Variants in SYN2 observed in about 807,000 individuals in gnomAD.
SYN2 encodes synapsin II, also known as synapsin-2.
SYN2 carries 19 observed loss-of-function variants against 50.9 expected under a neutral mutation model. The ratio of observed to expected loss-of-function variants is 0.37; its 90% confidence interval spans 0.26 to 0.55. The LOEUF (loss-of-function observed/expected upper bound fraction) is 0.55, where lower values mean the gene tolerates loss of function less well. SYN2 is among the 20% of genes least tolerant of loss of function. SYN2 has a pLI of 0.81. For synonymous variants in SYN2, 255 were observed against 224.9 expected, an observed-to-expected ratio of 1.13 and a Z score of -1.20; for missense variants, 587 against 576.4, an observed-to-expected ratio of 1.02 and a Z score of -0.19.
At chr3:12,185,932 G>T (rs1369561584) in intron 11 of SYN2, among the ~76,000 whole-genome samples, 4 of 152,170 alleles carry the variant, frequency 2.6e-5, no homozygotes, top group East Asian at 1.9e-4. Flanking sequence ...CTAGTTATTT[G>T]ATTTGAATTT....
At chr3:12,098,002 A>G (rs573986479) in intron 1 of SYN2, among the ~76,000 whole-genome samples, 4 of 152,346 alleles carry the variant, frequency 2.6e-5, no homozygotes, top group African/African-American at 7.2e-5. Flanking sequence ...CTTAGAAAGT[A>G]TAATTAAAAA....
At chr3:12,166,567 A>C (rs1021776036) in intron 7 of SYN2, among the ~76,000 whole-genome samples, 4 of 152,186 alleles carry the variant, frequency 2.6e-5, no homozygotes, top group African/African-American at 9.6e-5. Context: ...AGCAGAGAAG[A>C]AGCTGATGGC....
At chr3:12,108,960 A>C (rs1035869403) in intron 1 of SYN2, among the ~76,000 whole-genome samples, 7 of 152,176 alleles carry the variant, frequency 4.6e-5, no homozygotes, top group Admixed American at 3.9e-4. Context: ...ATGTGGTCAT[A>C]AAGACTGAAG....
intron 1 of SYN2, among the ~76,000 whole-genome samples, chr3:12,072,808 T>G (rs1484939091): frequency 6.6e-6 from 1 of 152,226 alleles, no homozygotes; most frequent in East Asian, 1.9e-4. Flanking sequence ...AGTCTCTGTT[T>G]CTCCAGGTTA....
chr3:12,178,804 A>G (rs1698150511), intron 10 of SYN2, among the ~76,000 whole-genome samples: 2 of 152,244 alleles, frequency 1.3e-5, no homozygotes, highest in Non-Finnish European at 2.9e-5. Context: ...AACAATCCTT[A>G]TTTAAGATGT....
intron 1 of SYN2, among the ~76,000 whole-genome samples, chr3:12,055,934 C>CT (rs2125158597): frequency 6.6e-6 from 1 of 152,326 alleles, no homozygotes; most frequent in Admixed American, 6.5e-5. Context: ...TAAAAGGAAT[C>CT]TAACAGGAGT....
In SYN2 at chr3:12,105,502, T is replaced by C. The variant is rs1270304857; in HGVS notation, c.378-35149T>C. Reference sequence around the variant, plus strand: ...GACAAACACCACTAGAAGGTATGGATCTTCTAGTGGTGTTTGTCCTAGGTA... The same window carrying C: ...GACAAACACCACTAGAAGGTATGGACCTTCTAGTGGTGTTTGTCCTAGGTA... On this transcript the variant is annotated intron_variant, in intron 1 of 12. Transcript: ENST00000621198. 3.8e-5 allele frequency among the ~76,000 whole-genome samples: 5 copies of C among 131,028 alleles called. No individual in the cohort carries two copies. The South Asian group carries it at 7.7e-4, about 20-fold the overall frequency. 86.0% of individuals were successfully genotyped at this position (131,028 alleles called of 152,430 possible). A position where few individuals can be genotyped will look rare whatever the true frequency, so the allele number is the denominator to read the frequency against.
At chr3:12,083,766 GT>G (rs1188647093) in intron 1 of SYN2, among the ~76,000 whole-genome samples, 1 of 152,150 alleles carries the variant, frequency 6.6e-6, no homozygotes, top group East Asian at 1.9e-4. Context: ...CCATCTGCTA[GT>G]TTTAATCTGT....
chr3:12,080,912 A>G (rs1224372946), intron 1 of SYN2, among the ~76,000 whole-genome samples: 2 of 152,006 alleles, frequency 1.3e-5, no homozygotes, highest in Admixed American at 6.6e-5. Flanking sequence ...GGAATTTTTT[A>G]GGGTACTTGC....
chr3:12,012,106 CAA>C (rs897802209), intron 1 of SYN2, among the ~76,000 whole-genome samples: 8 of 151,082 alleles, frequency 5.3e-5, no homozygotes, highest in Non-Finnish European at 1.2e-4. Context: ...GCCACCGACT[CAA>C]GACAATATCA....
intron 10 of SYN2, among the ~76,000 whole-genome samples, chr3:12,172,918 AGCCCATG>A (rs1697969836): frequency 1.3e-5 from 2 of 152,242 alleles, no homozygotes; most frequent in African/African-American, 2.4e-5. Context: ...AAATACTTTC[AGCCCATG>A]TGGGCAAGGA....
intron 1 of SYN2, among the ~76,000 whole-genome samples, chr3:12,024,383 C>T (rs1694209687): frequency 6.6e-6 from 1 of 152,066 alleles, no homozygotes; most frequent in Non-Finnish European, 1.5e-5. Context: ...TGGTCTCCAA[C>T]TCCTGACCTC....
chr3:12,101,444 C>T (rs192019853), intron 1 of SYN2, among the ~76,000 whole-genome samples: 70 of 152,146 alleles, frequency 4.6e-4, no homozygotes, highest in Admixed American at 1.8e-3. Context: ...GGCAAATTTA[C>T]AGAGACAAAA....
At chr3:12,165,359 A>G (rs1485621324) in intron 7 of SYN2, 2 of 152,228 alleles carry the variant, frequency 1.3e-5, no homozygotes, top group Non-Finnish European at 2.9e-5. Flanking sequence ...GAAGTCATTC[A>G]AAATTTGTGA....
chr3:12,072,836 G>A (rs191693026), intron 1 of SYN2, among the ~76,000 whole-genome samples: 5 of 152,062 alleles, frequency 3.3e-5, no homozygotes, highest in African/African-American at 9.6e-5. Context: ...CTCTGCCCAC[G>A]GGCTTGATCT....
rs553350962 is a variant in SYN2 at position 12,056,556 on chromosome 3, T to C, written c.377+51628T>C. Among the ~76,000 whole-genome samples, 5 of 152,346 alleles carry C rather than the reference T, an allele frequency of 3.3e-5. No homozygotes were observed. The East Asian group carries it at 9.6e-4, about 29-fold the overall frequency. ...AGAGAGGAGAAAAGAAGGGCACCTATATATTAAAAATATTTTTGCCTAAGG... is the reference window on the plus strand; with the variant it reads ...AGAGAGGAGAAAAGAAGGGCACCTACATATTAAAAATATTTTTGCCTAAGG... On this transcript the variant is annotated intron_variant, in intron 1 of 12. Coordinates refer to ENST00000621198, the MANE Select transcript of SYN2 (RefSeq NM_133625.6).
intron 11 of SYN2, chr3:12,185,470 A>G: frequency 1.0e-6 from 1 of 985,856 alleles, no homozygotes; most frequent in Non-Finnish European, 1.2e-6. Flanking sequence ...GCCAAATGCA[A>G]GCAGATAGCA....
intron 1 of SYN2, among the ~76,000 whole-genome samples, chr3:12,066,730 A>C (rs1695224737): frequency 6.6e-6 from 1 of 152,200 alleles, no homozygotes; most frequent in African/African-American, 2.4e-5. Flanking sequence ...GTTCTGTTCA[A>C]GAACCTCTTT....
rs558195684 is a variant in SYN2, at chr3:12,034,300, A to G, written c.377+29372A>G. ...TCCCTAATGATTAATGATGTCAGCT[A>G]TCTTTCCATGTGCTTATTAGCTATT... is the stretch of plus-strand genomic sequence containing the variant. On this transcript the variant is annotated intron_variant, in intron 1 of 12. Coordinates refer to ENST00000621198, the MANE Select transcript of SYN2 (RefSeq NM_133625.6). Among the ~76,000 whole-genome samples, 5 of 152,272 alleles carry G rather than the reference A, an allele frequency of 3.3e-5. No individual in the cohort carries two copies. The East Asian group carries it at 5.8e-4, about 18-fold the overall frequency.
Sources: gnomAD v4.1 joint callset for allele counts (sites outside exome capture counted in the v4.1 genomes callset) on GRCh38, gnomAD v4.1.1 for gene constraint, MANE v1.5 for transcripts, NCBI Gene and HGNC (gene_info 2026-07-23, HGNC 2026-07-21) for gene names.